The following SNTG1 variants were observed in gnomAD, a reference collection of about 807,000 sequenced individuals.
The protein encoded by SNTG1 is syntrophin gamma 1.
SNTG1 carries 39 observed loss-of-function variants against 74.7 expected under a neutral mutation model. That is an observed-to-expected ratio of 0.52 (90% CI 0.40 to 0.68). The LOEUF (loss-of-function observed/expected upper bound fraction) is 0.68. Among genes scored for constraint, SNTG1 ranks in the 30% least tolerant of loss-of-function variants. The pLI is 0.00. For synonymous variants in SNTG1, 254 were observed against 217.1 expected (o/e 1.17, Z -1.49); for missense variants, 685 against 609.5 (o/e 1.12, Z -1.30).
chr8:50,663,795 C>T (rs915146032), intron 15 of SNTG1, among the ~76,000 whole-genome samples: 2 of 152,142 alleles, frequency 1.3e-5, no homozygotes, highest in African/African-American at 4.8e-5. Flanking sequence ...ACTTCCCATT[C>T]TCACTTTTAG....
At chr8:50,202,201 T>C (rs531697834) in intron 2 of SNTG1, among the ~76,000 whole-genome samples, 1 of 152,152 alleles carries the variant, frequency 6.6e-6, no homozygotes, top group Non-Finnish European at 1.5e-5. Context: ...CTCCTTTTTT[T>C]AAATTTGCAT....
In SNTG1 at chr8:50,778,371, C is replaced by T. The variant is rs184697619; in HGVS notation, c.1396-14300C>T. Among the ~76,000 whole-genome samples, 259 of 152,188 alleles carry T rather than the reference C, an allele frequency of 1.7e-3. 2 individuals are homozygous for T. Among genetic ancestry groups the T allele is most frequent in the Non-Finnish European group, 9.1e-4 (62 of 68,014 alleles). ...ACATCCTCTCCAGGACCTGTTGTTT[C>T]CTGACTTTTTAATGATTGCCATTCT... On this transcript the variant is annotated intron_variant, in intron 18 of 18. Transcript: ENST00000642720.
intron 8 of SNTG1, among the ~76,000 whole-genome samples, chr8:50,468,824 A>G (rs966328586): frequency 6.6e-6 from 1 of 152,062 alleles, no homozygotes; most frequent in Non-Finnish European, 1.5e-5. Flanking sequence ...TTTAGTTTCC[A>G]TTATGCGTTT....
At chr8:50,697,620 G>A (rs180755987) in intron 15 of SNTG1, among the ~76,000 whole-genome samples, 2 of 152,050 alleles carry the variant, frequency 1.3e-5, no homozygotes, top group Non-Finnish European at 2.9e-5. Flanking sequence ...CATTTGTTGA[G>A]GGTTTTGAGC....
chr8:50,035,973 G>A (rs900829090), intron 1 of SNTG1, among the ~76,000 whole-genome samples: 9 of 152,062 alleles, frequency 5.9e-5, no homozygotes, highest in South Asian at 2.1e-4. Context: ...GAGAAAAAAA[G>A]CAAGGGAAAA....
At chr8:50,020,776 A>G (rs1816748647) in intron 1 of SNTG1, among the ~76,000 whole-genome samples, 1 of 152,142 alleles carries the variant, frequency 6.6e-6, no homozygotes, top group African/African-American at 2.4e-5. Flanking sequence ...CAGGTTATAA[A>G]TGGACGATCC....
At chr8:50,405,552 C>A (rs932430235) in intron 4 of SNTG1, among the ~76,000 whole-genome samples, 3 of 151,850 alleles carry the variant, frequency 2.0e-5, no homozygotes, top group Non-Finnish European at 4.4e-5. Context: ...GATACTAGTC[C>A]CTTATCAGAT....
At chr8:50,333,094 C>T (rs541744493) in intron 2 of SNTG1, among the ~76,000 whole-genome samples, 2 of 152,296 alleles carry the variant, frequency 1.3e-5, no homozygotes, top group South Asian at 4.2e-4. Context: ...AAAGTCATTG[C>T]TAACTTTGTA....
intron 1 of SNTG1, among the ~76,000 whole-genome samples, chr8:50,075,227 C>T (rs778679126): frequency 3.3e-5 from 5 of 152,206 alleles, no homozygotes; most frequent in South Asian, 2.1e-4. Flanking sequence ...TCCCATCGAC[C>T]GCCCAGGGGC....
intron 2 of SNTG1, among the ~76,000 whole-genome samples, chr8:50,338,176 T>G (rs1355184601): frequency 1.3e-5 from 2 of 152,018 alleles, no homozygotes; most frequent in Non-Finnish European, 2.9e-5. Context: ...AAAATAAGTA[T>G]TTTTTGAGTT....
chr8:50,702,868 G>A (rs534642891), intron 15 of SNTG1, among the ~76,000 whole-genome samples: 9 of 149,744 alleles, frequency 6.0e-5, no homozygotes, highest in African/African-American at 2.2e-4. Context: ...GTAACATAAT[G>A]GTAAGTAGTT....
intron 1 of SNTG1, among the ~76,000 whole-genome samples, chr8:49,965,058 A>G (rs1811021283): frequency 6.6e-6 from 1 of 152,224 alleles, no homozygotes; most frequent in Non-Finnish European, 1.5e-5. Flanking sequence ...TAAAATAGAA[A>G]ACATTGAAAT....
At chr8:49,912,955 T>G (rs943579784) in intron 1 of SNTG1, among the ~76,000 whole-genome samples, 1 of 152,238 alleles carries the variant, frequency 6.6e-6, no homozygotes, top group Admixed American at 6.5e-5. Flanking sequence ...CAGAAAGTGA[T>G]AGGGACCAGT....
At chr8:50,482,256 A>G (rs1228497926) in intron 8 of SNTG1, among the ~76,000 whole-genome samples, 4 of 152,164 alleles carry the variant, frequency 2.6e-5, no homozygotes, top group Non-Finnish European at 5.9e-5. Context: ...TTACTAACAA[A>G]CGTGAACTGC....
At chr8:50,114,190 G>A (rs1286638207) in intron 1 of SNTG1, among the ~76,000 whole-genome samples, 1 of 151,978 alleles carries the variant, frequency 6.6e-6, no homozygotes, top group Non-Finnish European at 1.5e-5. Context: ...AAAATCAAAG[G>A]TGCAACTAAA....
At chr8:50,754,797 C>G (rs574150820) in intron 18 of SNTG1, among the ~76,000 whole-genome samples, 6 of 151,812 alleles carry the variant, frequency 4.0e-5, no homozygotes, top group African/African-American at 1.4e-4. Context: ...GGATTTAGTT[C>G]TATAATTTCC....
chr8:50,614,968 A>T (rs1423045773), intron 13 of SNTG1, among the ~76,000 whole-genome samples: 2 of 143,010 alleles, frequency 1.4e-5, no homozygotes, highest in African/African-American at 5.3e-5. Context: ...TTTGAGACGG[A>T]GTCTCACTCT....
intron 12 of SNTG1, among the ~76,000 whole-genome samples, chr8:50,574,671 T>C (rs896746261): frequency 6.6e-6 from 1 of 152,302 alleles, no homozygotes; most frequent in Non-Finnish European, 1.5e-5. Context: ...TTACCCACTT[T>C]TAATGGATTA....
intron 9 of SNTG1, among the ~76,000 whole-genome samples, chr8:50,522,739 C>T (rs310571): frequency 0.14 from 21,563 of 152,016 alleles, 1,666 homozygotes; most frequent in African/African-American, 0.19. Context: ...CCGCCATGCC[C>T]GGCTTATTTC....
Sources: gnomAD v4.1 joint callset for allele counts (sites outside exome capture counted in the v4.1 genomes callset) on GRCh38, gnomAD v4.1.1 for gene constraint, MANE v1.5 for transcripts, NCBI Gene and HGNC (gene_info 2026-07-23, HGNC 2026-07-21) for gene names.